TRAPPC6B: variants seen among roughly 807,000 people sequenced by gnomAD.
TRAPPC6B encodes trafficking protein particle complex subunit 6B.
A neutral mutation model predicts 24.7 loss-of-function variants in TRAPPC6B; 27 were observed. The observed-to-expected ratio is 1.09, with a 90% CI of 0.81 to 1.51. The LOEUF is 1.51. TRAPPC6B is among the 40% of genes most tolerant of loss of function. The pLI, the probability that TRAPPC6B is intolerant of heterozygous loss-of-function variation, is 0.00. For missense variants in TRAPPC6B, 212 were observed against 190.8 expected, an observed-to-expected ratio of 1.11 and a Z score of -0.66; for synonymous variants, 80 against 66.6, an observed-to-expected ratio of 1.20 and a Z score of -0.98.
At position 39,151,847 on chromosome 14, in the gene TRAPPC6B, G is replaced by GAA. The variant is rs144205574; in HGVS notation, c.352-10_352-9dup. The GAA allele has an allele frequency of 3.2e-6, 5 of 1,558,622 alleles. No homozygotes were observed. In the African/African-American group the frequency reaches 5.6e-5, roughly 17 times the overall value. On this transcript the variant is annotated splice_polypyrimidine_tract_variant and intron_variant, in intron 4 of 5. Coordinates refer to ENST00000330149, the MANE Select transcript of TRAPPC6B (RefSeq NM_001079537.2). ...ACACGTAAATGCTAAATACTAAAAG[G>GAA]AAAAAAAATCATTAAAAATAGTAAG... is the stretch of plus-strand genomic sequence containing the variant.
At chr14:39,151,877 T>C in intron 4 of TRAPPC6B, 38 bp from the exon 5 acceptor site, 1 of 1,374,414 alleles carries the variant, frequency 7.3e-7, no homozygotes, top group Non-Finnish European at 1.0e-6. Context: ...AGTAAGGATT[T>C]ACTAAAATAG....
In TRAPPC6B at chr14:39,158,387, A is replaced by C. The variant is rs1417990667; in HGVS notation, c.165T>G (p.Thr55=). Residue 55 remains threonine (T), a synonymous_variant, in exon 3 of 6, where the codon ACT becomes ACG. Coordinates refer to ENST00000330149, the MANE Select transcript of TRAPPC6B (RefSeq NM_001079537.2). The part of the protein sequence containing the change: ...QGLIERFTKD[T]ARFKDELDIM... ...TATCTAACTCATCCTTGAACCTTGC[A>C]GTATCTTTTGTAAACCTAAAAAGAT... The C allele has an allele frequency of 6.3e-7, 1 of 1,589,912 alleles. No individual in the cohort carries two copies. Among genetic ancestry groups the C allele is most frequent in the East Asian group, 2.2e-5 (1 of 44,480 alleles).
chr14:39,160,265 T>C (rs1033168511), intron 1 of TRAPPC6B, among the ~76,000 whole-genome samples: 1 of 152,100 alleles, frequency 6.6e-6, no homozygotes, highest in African/African-American at 2.4e-5. Context: ...TGCTCCTCCC[T>C]GACACCAAGT....
At chr14:39,154,808 G>C (rs189798943) in intron 3 of TRAPPC6B, among the ~76,000 whole-genome samples, 17 of 152,220 alleles carry the variant, frequency 1.1e-4, no homozygotes, top group African/African-American at 3.9e-4. Context: ...AATGTATACC[G>C]AACGGTTTTA....
At chr14:39,154,149 A>T in intron 4 of TRAPPC6B, 62 bp downstream of exon 4, 2 of 987,466 alleles carry the variant, frequency 2.0e-6, no homozygotes, top group Non-Finnish European at 3.2e-6. Context: ...TATGATTAGC[A>T]CTGTACTTTT....
intron 3 of TRAPPC6B, among the ~76,000 whole-genome samples, chr14:39,156,188 A>G (rs531479235): frequency 4.4e-4 from 67 of 152,198 alleles, no homozygotes; most frequent in Non-Finnish European, 7.9e-4. Context: ...TAAAGTTGGT[A>G]CAAAATGAAT....
chr14:39,169,000 C>T (rs1367891643), intron 1 of TRAPPC6B, among the ~76,000 whole-genome samples: 1 of 152,230 alleles, frequency 6.6e-6, no homozygotes, highest in African/African-American at 2.4e-5. Flanking sequence ...TTCTCACTCT[C>T]TATTCAGTCT....
intron 4 of TRAPPC6B, among the ~76,000 whole-genome samples, chr14:39,152,702 T>C (rs888984576): frequency 6.6e-6 from 1 of 152,136 alleles, no homozygotes; most frequent in African/African-American, 2.4e-5. Context: ...CCTATGAAAA[T>C]AAAAACCATG....
intron 1 of TRAPPC6B, 124 bp from the exon 2 acceptor site, chr14:39,159,674 T>C (rs2053032072): frequency 1.7e-6 from 1 of 580,390 alleles, no homozygotes; most frequent in African/African-American, 1.9e-5. Context: ...CCTGAAACAG[T>C]TTAAGAAAAA....
chr14:39,161,871 C>T (rs1415666250), intron 1 of TRAPPC6B, among the ~76,000 whole-genome samples: 4 of 152,186 alleles, frequency 2.6e-5, no homozygotes, highest in African/African-American at 9.6e-5. Context: ...AGGTCAATTT[C>T]TGGTAACGAG....
chr14:39,169,726 G>A (rs2053145047), intron 1 of TRAPPC6B, among the ~76,000 whole-genome samples: 1 of 152,136 alleles, frequency 6.6e-6, no homozygotes, highest in Non-Finnish European at 1.5e-5. Flanking sequence ...CGTAAATAAT[G>A]GCAGGGACAA....
At chr14:39,157,782 G>A (rs1451106202) in intron 3 of TRAPPC6B, 1 of 234,500 alleles carries the variant, frequency 4.3e-6, no homozygotes, top group East Asian at 1.0e-4. Flanking sequence ...GCAATGTCCT[G>A]GGTCTCAAGT....
At chr14:39,163,286 G>A (rs1050210143) in intron 1 of TRAPPC6B, among the ~76,000 whole-genome samples, 3 of 148,976 alleles carry the variant, frequency 2.0e-5, no homozygotes, top group South Asian at 2.1e-4. Context: ...CAGGAGAAAC[G>A]CTTGAACCCA....
intron 3 of TRAPPC6B, chr14:39,157,427 C>A: frequency 3.1e-6 from 1 of 327,326 alleles, no homozygotes; most frequent in South Asian, 2.6e-5. Context: ...AAGAAAGCTG[C>A]AGGCAAAGGG....
chr14:39,149,072 G>A lies in TRAPPC6B; in HGVS notation c.*1278C>T. The A allele has an allele frequency of 7.3e-6, 2 of 272,216 alleles. No homozygotes were observed. The highest frequency in any genetic ancestry group is 1.4e-5 in the Non-Finnish European group (2 of 147,128). 16.9% of individuals were successfully genotyped at this position (272,216 alleles called of 1,614,324 possible). A position where few individuals can be genotyped will look rare whatever the true frequency, so the allele number is the denominator to read the frequency against. The stretch of plus-strand genomic sequence containing the variant: ...TCACTGACTGAAACATCATTATAGG[G>A]CACATAACTAGAATTTAATAAATCA... On this transcript the variant is annotated 3_prime_UTR_variant, in exon 6 of 6. Transcript: ENST00000330149.
At chr14:39,156,524 C>A (rs2052980979) in intron 3 of TRAPPC6B, among the ~76,000 whole-genome samples, 1 of 152,016 alleles carries the variant, frequency 6.6e-6, no homozygotes, top group African/African-American at 2.4e-5. Flanking sequence ...AGTCCAGGAG[C>A]TCAAGACTAG....
chr14:39,169,230 T>A (rs2053139899), intron 1 of TRAPPC6B, among the ~76,000 whole-genome samples: 1 of 152,258 alleles, frequency 6.6e-6, no homozygotes, highest in African/African-American at 2.4e-5. Context: ...AACTATTCAT[T>A]AAATCACTAT....
chr14:39,151,659 TA>T (rs2052915342), intron 5 of TRAPPC6B, 86 bp downstream of exon 5: 20 of 975,796 alleles, frequency 2.0e-5, no homozygotes, highest in African/African-American at 5.1e-5. Context: ...TTCAGCATTT[TA>T]AATTTCCTCT....
At position 39,148,652 on chromosome 14, in the gene TRAPPC6B, T is replaced by C; in HGVS notation, c.*1698A>G. 2.5e-6 allele frequency: 1 copy of C among 398,546 alleles called. No individual in the cohort carries two copies. The highest frequency in any genetic ancestry group is 4.4e-6 in the Non-Finnish European group (1 of 226,008). The allele number at this position is 398,546 out of a possible 1,614,324, so 24.7% of individuals were successfully genotyped here. ...GTCATTAGCTATTCCTGGGTCATTA[T>C]GACTTTTAATAAACTTTATACATGT... On this transcript the variant is annotated 3_prime_UTR_variant, in exon 6 of 6. Coordinates refer to ENST00000330149, the MANE Select transcript of TRAPPC6B (RefSeq NM_001079537.2).
Sources: gnomAD v4.1 joint callset for allele counts (sites outside exome capture counted in the v4.1 genomes callset) on GRCh38, gnomAD v4.1.1 for gene constraint, MANE v1.5 for transcripts, NCBI Gene and HGNC (gene_info 2026-07-23, HGNC 2026-07-21) for gene names.